The following HSPA12A variants were observed in gnomAD, a reference collection of about 807,000 sequenced individuals.
The protein encoded by HSPA12A is heat shock 70 kDa protein 12A.
In HSPA12A, 28 loss-of-function variants were observed where a neutral mutation model predicts 69.2. That is an observed-to-expected ratio of 0.40 (90% CI 0.30 to 0.55). The LOEUF (loss-of-function observed/expected upper bound fraction) is 0.55, where lower values mean the gene tolerates loss of function less well. Among genes scored for constraint, HSPA12A ranks in the 20% least tolerant of loss-of-function variants. The pLI is 0.38. For synonymous variants in HSPA12A, 345 were observed against 370.5 expected, an observed-to-expected ratio of 0.93 and a Z score of 0.79; for missense variants, 686 against 900.7, an observed-to-expected ratio of 0.76 and a Z score of 3.05.
intron 2 of HSPA12A, among the ~76,000 whole-genome samples, chr10:116,813,243 C>T (rs1383342449): frequency 2.9e-4 from 5 of 17,538 alleles, no homozygotes; most frequent in South Asian, 3.8e-3. Flanking sequence ...CCATCCAGAG[C>T]TCTATTTTTT....
In HSPA12A at chr10:116,798,079, C is replaced by T. The variant is rs143401102; in HGVS notation, c.91+36856G>A. 1.1e-4 allele frequency among the ~76,000 whole-genome samples: 17 copies of T among 149,062 alleles called. No individual in the cohort carries two copies. In the East Asian group the frequency reaches 2.6e-3, roughly 23 times the overall value. ...AGAGGCAGGGGCTGGGACCAGATCA[C>T]GTGGGGTCTCCCAAGCCAGGCTGGC... On this transcript the variant is annotated intron_variant, in intron 2 of 12. Coordinates refer to the HSPA12A transcript ENST00000635765.
intron 9 of HSPA12A, among the ~76,000 whole-genome samples, chr10:116,680,003 T>C (rs1849358845): frequency 6.6e-6 from 1 of 152,228 alleles, no homozygotes; most frequent in Non-Finnish European, 1.5e-5. Flanking sequence ...GTTTTCTTTT[T>C]TTTGAGACAA....
chr10:116,818,451 G>A (rs1845348568), intron 2 of HSPA12A, among the ~76,000 whole-genome samples: 2 of 151,184 alleles, frequency 1.3e-5, no homozygotes, highest in African/African-American at 4.9e-5. Flanking sequence ...TGCATCATAG[G>A]TTGTCTCTCT....
intron 2 of HSPA12A, among the ~76,000 whole-genome samples, chr10:116,752,760 C>G (rs1851802123): frequency 6.6e-6 from 1 of 152,178 alleles, no homozygotes; most frequent in Non-Finnish European, 1.5e-5. Context: ...CTCTCTGATT[C>G]ACTTGTAAAA....
At chr10:116,706,231 T>A (rs1259962968) in intron 2 of HSPA12A, among the ~76,000 whole-genome samples, 1 of 151,120 alleles carries the variant, frequency 6.6e-6, no homozygotes, top group Non-Finnish European at 1.5e-5. Flanking sequence ...ACTTTTTTTT[T>A]AACTCCCACA....
rs1379939068 is a variant in HSPA12A at position 116,781,733 on chromosome 10, G to C, written c.91+53202C>G. 3.9e-5 allele frequency among the ~76,000 whole-genome samples: 6 copies of C among 152,278 alleles called. 1 individual carries two copies. Among genetic ancestry groups the C allele is most frequent in the Admixed American group, 1.3e-4 (2 of 15,306 alleles). On this transcript the variant is annotated intron_variant, in intron 2 of 12. Coordinates refer to the HSPA12A transcript ENST00000635765. ...TTTTTAATCAATCTCTCAGCTGTCA[G>C]CTACACCGAGTGCCTGAGGGTCTGC...
intron 2 of HSPA12A, among the ~76,000 whole-genome samples, chr10:116,706,307 C>T (rs1554882415): frequency 6.6e-6 from 1 of 151,996 alleles, no homozygotes; most frequent in African/African-American, 2.4e-5. Flanking sequence ...CGCCTGGCCT[C>T]TCCTCACACC....
At position 116,758,828 on chromosome 10, in the gene HSPA12A, C is replaced by G. The variant is rs1035423006; in HGVS notation, c.92-51543G>C. Reference sequence around the variant, plus strand: ...AAACCAAGGAAATAAAGAGTGTGGACTCAGATGAGTAGAAAATAGAAAAGC... The same window carrying G: ...AAACCAAGGAAATAAAGAGTGTGGAGTCAGATGAGTAGAAAATAGAAAAGC... On this transcript the variant is annotated intron_variant, in intron 2 of 12. Coordinates refer to the HSPA12A transcript ENST00000635765. Among the ~76,000 whole-genome samples, 16 of 152,074 alleles carry G rather than the reference C, an allele frequency of 1.1e-4. No individual in the cohort carries two copies. In the East Asian group the frequency reaches 2.5e-3, roughly 24 times the overall value.
intron 2 of HSPA12A, chr10:116,749,908 G>T (rs1168056221): frequency 1.8e-5 from 3 of 170,598 alleles, no homozygotes; most frequent in Non-Finnish European, 2.6e-5. Flanking sequence ...GCAGGACAGG[G>T]TTTGTTAAAG....
upstream of HSPA12A, chr10:116,742,611 G>T (rs1315693972): frequency 4.5e-5 from 49 of 1,078,556 alleles, no homozygotes; most frequent in Non-Finnish European, 5.2e-5. Context: ...GGCAGCCGCC[G>T]CAGCCACGGC....
intron 2 of HSPA12A, among the ~76,000 whole-genome samples, chr10:116,773,061 TAA>T (rs1844249489): frequency 6.6e-6 from 1 of 152,096 alleles, no homozygotes; most frequent in Non-Finnish European, 1.5e-5. Context: ...CTAGCTAGAC[TAA>T]AAGTCTGGGT....
intron 1 of HSPA12A, among the ~76,000 whole-genome samples, chr10:116,836,835 G>A (rs922502936): frequency 6.6e-6 from 1 of 150,776 alleles, no homozygotes; most frequent in African/African-American, 2.4e-5. Flanking sequence ...ACATCTATTC[G>A]TTCAGAGAAA....
chr10:116,765,509 A>T (rs1426992889), intron 2 of HSPA12A, among the ~76,000 whole-genome samples: 1 of 152,190 alleles, frequency 6.6e-6, no homozygotes, highest in Non-Finnish European at 1.5e-5. Flanking sequence ...CAATAAACTG[A>T]ATTTTTAAAA....
chr10:116,770,866 T>C (rs12258395), intron 2 of HSPA12A, among the ~76,000 whole-genome samples: 3,048 of 147,310 alleles, frequency 0.021, 110 homozygotes, highest in African/African-American at 0.074. Flanking sequence ...TTTCTAAGGA[T>C]GCCTTCGGGT....
chr10:116,822,389 G>T (rs971185950), intron 2 of HSPA12A, among the ~76,000 whole-genome samples: 4 of 152,192 alleles, frequency 2.6e-5, no homozygotes, highest in Non-Finnish European at 5.9e-5. Flanking sequence ...TGTTAGAGGG[G>T]ATTTGTGGCT....
chr10:116,805,264 C>T (rs59754285), intron 2 of HSPA12A, among the ~76,000 whole-genome samples: 32 of 152,058 alleles, frequency 2.1e-4, no homozygotes, highest in Non-Finnish European at 4.3e-4. Flanking sequence ...TGCAGTGAGC[C>T]GAGATCGCGC....
At chr10:116,730,325 G>A (rs143572013) in intron 1 of HSPA12A, among the ~76,000 whole-genome samples, 10 of 152,252 alleles carry the variant, frequency 6.6e-5, no homozygotes, top group South Asian at 2.1e-4. Flanking sequence ...ATAAGGTCAC[G>A]GGGATCTAGA....
chr10:116,777,813 C>G (rs533790711), intron 2 of HSPA12A, among the ~76,000 whole-genome samples: 2 of 152,188 alleles, frequency 1.3e-5, no homozygotes. Flanking sequence ...CTGCAATCTC[C>G]ACCTCCTGGG....
intron 2 of HSPA12A, among the ~76,000 whole-genome samples, chr10:116,787,440 CAAAAA>C (rs776783179): frequency 5.8e-5 from 4 of 68,624 alleles, no homozygotes; most frequent in South Asian, 1.2e-3. Flanking sequence ...CTCTAGCCAG[CAAAAA>C]AAAAAAAAAA....
Sources: allele counts gnomAD v4.1 joint callset (sites outside exome capture counted in the v4.1 genomes callset), GRCh38; gene constraint gnomAD v4.1.1; transcripts MANE v1.5; gene names NCBI Gene and HGNC (gene_info 2026-07-23, HGNC 2026-07-21).